The following MOB3B variants were observed in gnomAD, a reference collection of about 807,000 sequenced individuals.
MOB3B encodes the protein MOB kinase activator-like 2B.
MOB3B carries 7 observed loss-of-function variants against 18.7 expected under a neutral mutation model. The ratio of observed to expected loss-of-function variants is 0.37; its 90% CI spans 0.21 to 0.70. MOB3B has a LOEUF of 0.70. Ranked by LOEUF, MOB3B falls within the 30% of genes least tolerant of loss-of-function variation. The pLI, the probability that MOB3B is intolerant of heterozygous loss-of-function variation, is 0.52. For synonymous variants in MOB3B, 111 were observed against 99.9 expected, an observed-to-expected ratio of 1.11 and a Z score of -0.66; for missense variants, 253 against 281.3, an observed-to-expected ratio of 0.90 and a Z score of 0.72.
chr9:27,361,357 AG>A (rs1298980527), intron 2 of MOB3B, among the ~76,000 whole-genome samples: 3 of 152,154 alleles, frequency 2.0e-5, no homozygotes, highest in Non-Finnish European at 4.4e-5. Context: ...AAGCACAGTG[AG>A]GCATCTAAAA....
intron 2 of MOB3B, among the ~76,000 whole-genome samples, chr9:27,366,420 C>T (rs1485519558): frequency 6.6e-6 from 1 of 152,164 alleles, no homozygotes; most frequent in East Asian, 1.9e-4. Flanking sequence ...CCTCCTGCCC[C>T]TCCCTTCCAC....
chr9:27,524,893 TC>T (rs1563890729), intron 1 of MOB3B: 1 of 1,612,570 alleles, frequency 6.2e-7, no homozygotes, highest in South Asian at 1.1e-5. Context: ...TGGGAGATTG[TC>T]CGAGTGGAAA....
intron 2 of MOB3B, among the ~76,000 whole-genome samples, chr9:27,438,735 C>A (rs186183010): frequency 6.6e-6 from 1 of 152,126 alleles, no homozygotes; most frequent in Non-Finnish European, 1.5e-5. Context: ...AACATGAAGT[C>A]CAATCAGCCC....
intron 2 of MOB3B, among the ~76,000 whole-genome samples, chr9:27,403,799 G>A (rs4285561): frequency 0.4 from 60,202 of 151,708 alleles, 12,921 homozygotes; most frequent in East Asian, 0.78. Context: ...ATTTTTAATT[G>A]TTATGGATAC....
chr9:27,335,515 A>T (rs912217792), intron 3 of MOB3B, among the ~76,000 whole-genome samples: 3 of 151,920 alleles, frequency 2.0e-5, no homozygotes, highest in Admixed American at 6.6e-5. Flanking sequence ...ATGCTCCTAA[A>T]CTCCATTAAT....
intron 2 of MOB3B, among the ~76,000 whole-genome samples, chr9:27,453,934 T>C (rs1822831752): frequency 6.6e-6 from 1 of 152,150 alleles, no homozygotes; most frequent in Admixed American, 6.5e-5. Flanking sequence ...ACCTGCCTTC[T>C]TCCTCCTATG....
chr9:27,367,590 G>A (rs1385859721), intron 2 of MOB3B, among the ~76,000 whole-genome samples: 1 of 152,152 alleles, frequency 6.6e-6, no homozygotes, highest in Non-Finnish European at 1.5e-5. Context: ...ATAATACCTA[G>A]CTCTTCATGA....
chr9:27,335,166 GTCA>G (rs1395571871), intron 3 of MOB3B, among the ~76,000 whole-genome samples: 6 of 152,240 alleles, frequency 3.9e-5, no homozygotes, highest in African/African-American at 1.4e-4. Flanking sequence ...CTAGGGGACA[GTCA>G]TCATGCTTGC....
chr9:27,470,430 T>A (rs1267973272), intron 1 of MOB3B, among the ~76,000 whole-genome samples: 1 of 152,186 alleles, frequency 6.6e-6, no homozygotes, highest in Non-Finnish European at 1.5e-5. Context: ...ACTGCACTTG[T>A]CAGTGGCTAA....
intron 3 of MOB3B, among the ~76,000 whole-genome samples, chr9:27,344,104 A>G (rs7023549): frequency 6.9e-6 from 1 of 145,974 alleles, no homozygotes; most frequent in East Asian, 1.9e-4. Flanking sequence ...AAATTTAGAA[A>G]GGAAAAAAAA....
intron 2 of MOB3B, among the ~76,000 whole-genome samples, chr9:27,405,251 G>A (rs923016459): frequency 6.6e-6 from 1 of 151,702 alleles, no homozygotes; most frequent in Admixed American, 6.6e-5. Context: ...GGGATTACAG[G>A]CATATGCCAC....
At chr9:27,482,991 C>A (rs978957449) in intron 1 of MOB3B, among the ~76,000 whole-genome samples, 1 of 150,554 alleles carries the variant, frequency 6.6e-6, no homozygotes, top group Non-Finnish European at 1.5e-5. Context: ...ATAGCTACAG[C>A]GCTTGCAGTT....
chr9:27,498,507 A>G (rs1329015393), intron 1 of MOB3B, among the ~76,000 whole-genome samples: 3 of 152,218 alleles, frequency 2.0e-5, no homozygotes, highest in Non-Finnish European at 4.4e-5. Flanking sequence ...AAAGTAGAGG[A>G]AAGTTAGAAG....
At chr9:27,516,825 A>G (rs578113285) in intron 1 of MOB3B, among the ~76,000 whole-genome samples, 2 of 152,070 alleles carry the variant, frequency 1.3e-5, no homozygotes, top group African/African-American at 2.4e-5. Flanking sequence ...CTTCCAATCT[A>G]TCTCTCCTGG....
chr9:27,382,836 C>T (rs1416432963), intron 2 of MOB3B, among the ~76,000 whole-genome samples: 1 of 151,996 alleles, frequency 6.6e-6, no homozygotes, highest in Non-Finnish European at 1.5e-5. Flanking sequence ...TCTCCCCTAC[C>T]CAATCCAATT....
intron 1 of MOB3B, among the ~76,000 whole-genome samples, chr9:27,520,167 C>T (rs2131507080): frequency 6.6e-6 from 1 of 152,336 alleles, no homozygotes; most frequent in South Asian, 2.1e-4. Flanking sequence ...TGCCCCTCAG[C>T]TGAATCACAG....
intron 1 of MOB3B, among the ~76,000 whole-genome samples, chr9:27,467,747 C>T (rs1400965528): frequency 6.6e-6 from 1 of 152,242 alleles, no homozygotes; most frequent in Non-Finnish European, 1.5e-5. Flanking sequence ...TTCAAGTGTG[C>T]TACCTGCTGC....
chr9:27,447,766 G>A (rs1220145623), intron 2 of MOB3B, among the ~76,000 whole-genome samples: 1 of 152,136 alleles, frequency 6.6e-6, no homozygotes, highest in Non-Finnish European at 1.5e-5. Flanking sequence ...TTGCAGTATT[G>A]GGTTCACAAG....
chr9:27,466,372 T>C (rs543789461), intron 1 of MOB3B, among the ~76,000 whole-genome samples: 2 of 152,190 alleles, frequency 1.3e-5, no homozygotes, highest in Non-Finnish European at 1.5e-5. Flanking sequence ...ACTATCAGCA[T>C]TTTTGTCAAA....
Sources: gnomAD v4.1 joint callset for allele counts (sites outside exome capture counted in the v4.1 genomes callset) on GRCh38, gnomAD v4.1.1 for gene constraint, MANE v1.5 for transcripts, NCBI Gene and HGNC (gene_info 2026-07-23, HGNC 2026-07-21) for gene names.